The following PTPRN2 variants were observed in gnomAD, a reference collection of about 807,000 sequenced individuals.
PTPRN2 encodes protein tyrosine phosphatase receptor type N2, also known as receptor-type tyrosine-protein phosphatase N2.
Under a neutral mutation model 118.8 loss-of-function variants are expected in PTPRN2, and 74 were observed. That is an observed-to-expected ratio of 0.62 (90% CI 0.52 to 0.76). The LOEUF (loss-of-function observed/expected upper bound fraction) is 0.76. PTPRN2 is among the 30% of genes least tolerant of loss of function. The probability of loss-of-function intolerance (pLI) is 0.00; values close to 1 mark genes in which losing one functional copy is unlikely to be tolerated. For missense variants in PTPRN2, 1,481 were observed against 1,394.4 expected, an observed-to-expected ratio of 1.06 and a Z score of -0.99; for synonymous variants, 641 against 608.0, an observed-to-expected ratio of 1.05 and a Z score of -0.80.
rs566593203 is a variant in PTPRN2 at position 158,359,982 on chromosome 7, CGT to C, written c.164-43052_164-43051del. On this transcript the variant is annotated intron_variant, in intron 2 of 22. Coordinates refer to ENST00000389418, the MANE Select transcript of PTPRN2 (RefSeq NM_002847.5). ...ATCTCACAGCGCTCCTTAAGAGCAG[CGT>C]GTGAAGGGGACACGGACGCTGCATC... Among the ~76,000 whole-genome samples, 7 of 152,162 alleles carry C rather than the reference CGT, an allele frequency of 4.6e-5. No homozygotes were observed. In the East Asian group the frequency reaches 1.4e-3, roughly 30 times the overall value.
At chr7:157,890,914 C>G (rs1159870805) in intron 12 of PTPRN2, among the ~76,000 whole-genome samples, 3 of 152,202 alleles carry the variant, frequency 2.0e-5, no homozygotes, top group Non-Finnish European at 4.4e-5. Flanking sequence ...ATGTGCCTGA[C>G]AAAGGCACGG....
At chr7:157,666,676 G>A (rs79933123) in intron 13 of PTPRN2, among the ~76,000 whole-genome samples, 6,119 of 152,302 alleles carry the variant, frequency 0.04, 145 homozygotes, top group African/African-American at 0.067. Flanking sequence ...CAAAAGCTGC[G>A]TGTGTGTTTT....
At chr7:158,513,796 G>T (rs540304890) in intron 1 of PTPRN2, among the ~76,000 whole-genome samples, 6 of 152,332 alleles carry the variant, frequency 3.9e-5, no homozygotes, top group Middle Eastern at 6.8e-3. Flanking sequence ...TTTGTGCCGG[G>T]CAGCGGGAAT....
At chr7:157,939,940 A>G (rs980887006) in intron 11 of PTPRN2, among the ~76,000 whole-genome samples, 3 of 152,226 alleles carry the variant, frequency 2.0e-5, no homozygotes, top group Non-Finnish European at 4.4e-5. Flanking sequence ...CCAGGAAGGT[A>G]TCACTGCACA....
chr7:158,336,965 A>C (rs1235476211), intron 2 of PTPRN2, among the ~76,000 whole-genome samples: 1 of 26,344 alleles, frequency 3.8e-5, no homozygotes, highest in Non-Finnish European at 1.6e-4. Flanking sequence ...TCACACTCTC[A>C]CCATAAGAGC....
At chr7:157,853,084 G>T (rs1325747275) in intron 12 of PTPRN2, among the ~76,000 whole-genome samples, 2 of 152,106 alleles carry the variant, frequency 1.3e-5, no homozygotes, top group East Asian at 3.9e-4. Context: ...CTCCAGATCA[G>T]CAGGCAGTGG....
chr7:157,772,372 GAC>G (rs1322388022), intron 12 of PTPRN2, among the ~76,000 whole-genome samples: 2 of 150,704 alleles, frequency 1.3e-5, no homozygotes, highest in Admixed American at 1.3e-4. Context: ...CACAGACACA[GAC>G]ACACACAGAT....
intron 3 of PTPRN2, among the ~76,000 whole-genome samples, chr7:158,311,926 T>C (rs979578747): frequency 7.4e-6 from 1 of 135,396 alleles, no homozygotes; most frequent in Non-Finnish European, 1.5e-5. Flanking sequence ...TGCACACACA[T>C]GTGCTCACGT....
intron 22 of PTPRN2, among the ~76,000 whole-genome samples, chr7:157,542,118 C>A (rs138163607): frequency 3.9e-4 from 59 of 152,332 alleles, no homozygotes; most frequent in Non-Finnish European, 7.8e-4. Flanking sequence ...TACGTGGGAG[C>A]TGCCCCTGTG....
At position 157,794,336 on chromosome 7, in the gene PTPRN2, C is replaced by T. The variant is rs1170426834; in HGVS notation, c.1788+104337G>A. ...GACCCGGGCTCACACCTCCCTGCTC[C>T]ACCCAGGCTGCCTGCACTTCCGGTT... On this transcript the variant is annotated intron_variant, in intron 12 of 22. Transcript: ENST00000389418. The surrounding 1 kb of genome is among the most constrained non-coding windows in gnomAD (Gnocchi z 5.2). 6.7e-6 allele frequency among the ~76,000 whole-genome samples: 1 copy of T among 148,344 alleles called. No homozygotes were observed. Among genetic ancestry groups the T allele is most frequent in the African/African-American group, 2.6e-5 (1 of 38,086 alleles).
Position 157,977,822 on chromosome 7 carries a change from G to T in PTPRN2, c.1724-79085C>A, listed in dbSNP as rs1223343892. Among the ~76,000 whole-genome samples, 2 of 151,910 alleles carry T rather than the reference G, an allele frequency of 1.3e-5. No individual in the cohort carries two copies. Among genetic ancestry groups the T allele is most frequent in the African/African-American group, 4.8e-5 (2 of 41,506 alleles). On this transcript the variant is annotated intron_variant, in intron 11 of 22. Transcript: ENST00000389418. The surrounding 1 kb of genome is among the most constrained non-coding windows in gnomAD (Gnocchi z 4.6). ...GAGCTCCCTGTTGCTGCTGCTGGGG[G>T]AGCAGGAAGGGGGATCACCCTGACA...
intron 12 of PTPRN2, among the ~76,000 whole-genome samples, chr7:157,762,082 A>T: frequency 6.6e-6 from 1 of 152,064 alleles, no homozygotes; most frequent in Non-Finnish European, 1.5e-5. Flanking sequence ...ATCATTAAAA[A>T]GTCAGGAAAC....
At chr7:158,249,451 ACATG>A (rs1234129573) in intron 3 of PTPRN2, among the ~76,000 whole-genome samples, 6 of 144,822 alleles carry the variant, frequency 4.1e-5, no homozygotes, top group Non-Finnish European at 9.0e-5. Flanking sequence ...CACCATACAT[ACATG>A]CATACATACA....
rs1799785619 is a variant in PTPRN2 at position 157,729,674 on chromosome 7, G to A, written c.1789-46737C>T. 6.6e-6 allele frequency among the ~76,000 whole-genome samples: 1 copy of A among 152,202 alleles called. No homozygotes were observed. Among genetic ancestry groups the A allele is most frequent in the Non-Finnish European group, 1.5e-5 (1 of 68,040 alleles). ...GACCCAGTCCTGCAGGGAGGTCCTGGGAGGGTCGCTAGGGTGAGGACGCTG... is the reference window on the plus strand; with the variant it reads ...GACCCAGTCCTGCAGGGAGGTCCTGAGAGGGTCGCTAGGGTGAGGACGCTG... On this transcript the variant is annotated intron_variant, in intron 12 of 22. Coordinates refer to ENST00000389418, the MANE Select transcript of PTPRN2 (RefSeq NM_002847.5). The surrounding 1 kb of genome is among the most constrained non-coding windows in gnomAD (Gnocchi z 4.3).
intron 3 of PTPRN2, among the ~76,000 whole-genome samples, chr7:158,209,319 A>G (rs1476097978): frequency 6.6e-6 from 1 of 152,190 alleles, no homozygotes; most frequent in Non-Finnish European, 1.5e-5. Context: ...CACTTCACCT[A>G]TAAAGACAAA....
At position 158,570,812 on chromosome 7, in the gene PTPRN2, G is replaced by A. The variant is rs2129451470; in HGVS notation, c.112+16746C>T. ...ACCGCCTCCTCAGGAACCCTGTGGA[G>A]CTCATGGCTTTTGTGACTGAGACTA... On this transcript the variant is annotated intron_variant, in intron 1 of 22. Coordinates refer to ENST00000389418, the MANE Select transcript of PTPRN2 (RefSeq NM_002847.5). This position sits in a 1 kb window ranked among gnomAD's most constrained non-coding sequence, Gnocchi z 4.5. Among the ~76,000 whole-genome samples the A allele has an allele frequency of 6.6e-6, 1 of 152,342 alleles. No homozygotes were observed. The highest frequency in any genetic ancestry group is 2.1e-4 in the South Asian group (1 of 4,826).
chr7:158,161,937 G>A (rs78352203), intron 6 of PTPRN2, among the ~76,000 whole-genome samples: 9,098 of 152,196 alleles, frequency 0.06, 285 homozygotes, highest in South Asian at 0.11. Context: ...GACCACCACA[G>A]ACACCTCACC....
intron 2 of PTPRN2, among the ~76,000 whole-genome samples, chr7:158,375,763 A>G (rs1289968084): frequency 6.6e-6 from 1 of 151,864 alleles, no homozygotes; most frequent in Non-Finnish European, 1.5e-5. Context: ...AGGGAAGGAG[A>G]GAAGAGAAGG....
At chr7:157,561,557 G>A (rs1799194157) in intron 21 of PTPRN2, among the ~76,000 whole-genome samples, 1 of 152,252 alleles carries the variant, frequency 6.6e-6, no homozygotes. Context: ...ACTGAGCAGG[G>A]TTCTGCATCT....
Sources: allele counts gnomAD v4.1 joint callset (sites outside exome capture counted in the v4.1 genomes callset), GRCh38; gene constraint gnomAD v4.1.1; non-coding constraint Gnocchi (gnomAD v3.1); transcripts MANE v1.5; gene names NCBI Gene and HGNC (gene_info 2026-07-23, HGNC 2026-07-21).